The following PPP2R5C variants were observed in gnomAD, a reference collection of about 807,000 sequenced individuals.
PPP2R5C encodes serine/threonine-protein phosphatase 2A 56 kDa regulatory subunit gamma isoform.
A neutral mutation model predicts 68.9 loss-of-function variants in PPP2R5C; 7 were observed. That is an observed-to-expected ratio of 0.10 (90% confidence interval 0.06 to 0.19). The LOEUF (loss-of-function observed/expected upper bound fraction) is 0.19, where lower values mean the gene tolerates loss of function less well. PPP2R5C is among the 10% of genes least tolerant of loss of function. The pLI, the probability that PPP2R5C is intolerant of heterozygous loss-of-function variation, is 1.00. For missense variants in PPP2R5C, 348 were observed against 641.3 expected, an observed-to-expected ratio of 0.54 and a Z score of 4.94; for synonymous variants, 210 against 222.2, an observed-to-expected ratio of 0.95 and a Z score of 0.49.
chr14:101,907,222 G>A (rs2046082457), intron 10 of PPP2R5C, among the ~76,000 whole-genome samples: 1 of 152,078 alleles, frequency 6.6e-6, no homozygotes, highest in Admixed American at 6.6e-5. Flanking sequence ...CCCGGCTGGA[G>A]TGTAGTGTCA....
Position 101,899,841 on chromosome 14 carries a change from G to C in PPP2R5C, c.853-1878G>C, listed in dbSNP as rs549500899. On this transcript the variant is annotated intron_variant, in intron 8 of 13. Transcript: ENST00000334743. The surrounding 1 kb of genome is among the most constrained non-coding windows in gnomAD (Gnocchi z 4.2). ...TAATTCCTTTTAAAGACACTTGTAT[G>C]GTAGATTTTTATGTCAGACTTGAAA... Among the ~76,000 whole-genome samples, 99 of 150,708 alleles carry C rather than the reference G, an allele frequency of 6.6e-4. No individual in the cohort carries two copies. Among genetic ancestry groups the C allele is most frequent in the Middle Eastern group, 3.4e-3 (1 of 292 alleles).
intron 3 of PPP2R5C, among the ~76,000 whole-genome samples, chr14:101,800,577 A>C (rs949896819): frequency 3.3e-5 from 5 of 151,796 alleles, no homozygotes; most frequent in Non-Finnish European, 4.4e-5. Flanking sequence ...TAAAATAAAA[A>C]TTAAAAATAT....
chr14:101,876,427 TA>T (rs755414166), intron 2 of PPP2R5C, among the ~76,000 whole-genome samples: 8 of 152,058 alleles, frequency 5.3e-5, no homozygotes, highest in Non-Finnish European at 8.8e-5. Context: ...TTTTTTTTTT[TA>T]ATGTATCCCT....
At chr14:101,806,831 T>C (rs867759416), upstream of PPP2R5C, among the ~76,000 whole-genome samples, 10 of 152,020 alleles carry the variant, frequency 6.6e-5, no homozygotes, top group Admixed American at 1.3e-4. Context: ...TTGTGGTGAT[T>C]CAAGCCTGCG....
At chr14:101,780,631 G>C (rs1467354111) in intron 2 of PPP2R5C, among the ~76,000 whole-genome samples, 1 of 152,088 alleles carries the variant, frequency 6.6e-6, no homozygotes, top group South Asian at 2.1e-4. Context: ...TTTGCTTTTG[G>C]TTAACACACT....
intron 1 of PPP2R5C, among the ~76,000 whole-genome samples, chr14:101,853,667 A>G (rs949673718): frequency 6.6e-6 from 1 of 152,154 alleles, no homozygotes; most frequent in African/African-American, 2.4e-5. Context: ...AAAAGGGTAC[A>G]TTTGGCCCTC....
intron 2 of PPP2R5C, among the ~76,000 whole-genome samples, chr14:101,862,009 C>T (rs1006230900): frequency 2.6e-5 from 4 of 152,142 alleles, no homozygotes; most frequent in Non-Finnish European, 2.9e-5. Context: ...AACTTCTGGG[C>T]TTGAGTGATC....
chr14:101,809,483 G>A (rs1324484993), upstream of PPP2R5C, among the ~76,000 whole-genome samples: 6 of 151,310 alleles, frequency 4.0e-5, no homozygotes, highest in East Asian at 1.2e-3. Flanking sequence ...AAGTTGCACA[G>A]GTGGGTATAA....
At position 101,919,988 on chromosome 14, in the gene PPP2R5C, A is replaced by AC. The variant is rs1323370441; in HGVS notation, c.1443+2041_1443+2042insC. On this transcript the variant is annotated intron_variant, in intron 13 of 13. Coordinates refer to ENST00000334743, the Ensembl canonical transcript of PPP2R5C. ...CCGTCTCAAAAAAAAAAAAAAAAAAAAAAACCAATTCTTACACATTAAATA... is the reference window on the plus strand; with the variant it reads ...CCGTCTCAAAAAAAAAAAAAAAAAAACAAAACCAATTCTTACACATTAAATA... 5.9e-5 allele frequency among the ~76,000 whole-genome samples: 9 copies of AC among 151,624 alleles called. 1 individual carries two copies. Among genetic ancestry groups the AC allele is most frequent in the African/African-American group, 2.2e-4 (9 of 41,030 alleles).
chr14:101,835,492 G>T lies in PPP2R5C; in HGVS notation c.95-21194G>T, dbSNP rs556890607. Among the ~76,000 whole-genome samples, 1 of 152,346 alleles carries T rather than the reference G, an allele frequency of 6.6e-6. No individual in the cohort carries two copies. Among genetic ancestry groups the T allele is most frequent in the South Asian group, 2.1e-4 (1 of 4,824 alleles). ...AGGTAGTGTCCCAGACGTTTGTTCAGAGGGCTCCTTCCCACTTGTCATCTG... is the reference window on the plus strand; with the variant it reads ...AGGTAGTGTCCCAGACGTTTGTTCATAGGGCTCCTTCCCACTTGTCATCTG... On this transcript the variant is annotated intron_variant, in intron 1 of 13. Coordinates refer to ENST00000334743, the Ensembl canonical transcript of PPP2R5C. The surrounding 1 kb of genome is among the most constrained non-coding windows in gnomAD (Gnocchi z 5.0).
At chr14:101,895,570 T>G (rs1202458592) in intron 8 of PPP2R5C, among the ~76,000 whole-genome samples, 1 of 152,196 alleles carries the variant, frequency 6.6e-6, no homozygotes, top group Non-Finnish European at 1.5e-5. Flanking sequence ...CATAAAACGC[T>G]TGTCCTTTCA....
intron 2 of PPP2R5C, among the ~76,000 whole-genome samples, chr14:101,873,508 A>C (rs546349027): frequency 6.6e-6 from 1 of 152,310 alleles, no homozygotes; most frequent in South Asian, 2.1e-4. Flanking sequence ...CTGATTAGGA[A>C]GCCAGTGCCC....
chr14:101,860,466 T>C (rs776406526), intron 2 of PPP2R5C, among the ~76,000 whole-genome samples: 36 of 152,220 alleles, frequency 2.4e-4, no homozygotes, highest in Non-Finnish European at 7.3e-5. Context: ...TATGTCCATT[T>C]GGGGGCTGTT....
At chr14:101,814,495 C>G (rs2039545754) in intron 1 of PPP2R5C, among the ~76,000 whole-genome samples, 1 of 152,182 alleles carries the variant, frequency 6.6e-6, no homozygotes, top group South Asian at 2.1e-4. Context: ...CACATTTATG[C>G]TCATAAACAC....
At chr14:101,841,514 C>T (rs1424332681) in intron 1 of PPP2R5C, among the ~76,000 whole-genome samples, 1 of 152,212 alleles carries the variant, frequency 6.6e-6, no homozygotes, top group Non-Finnish European at 1.5e-5. Context: ...ACGGGGCCGG[C>T]TCGTTCCGTG....
intron 1 of PPP2R5C, among the ~76,000 whole-genome samples, chr14:101,817,847 G>A (rs1409513228): frequency 5.3e-5 from 8 of 152,188 alleles, no homozygotes; most frequent in Non-Finnish European, 1.2e-4. Flanking sequence ...ACTTAAAATG[G>A]CGCCTGGAGT....
At chr14:101,908,509 G>A (rs2054339603) in intron 10 of PPP2R5C, among the ~76,000 whole-genome samples, 1 of 152,084 alleles carries the variant, frequency 6.6e-6, no homozygotes, top group Admixed American at 6.6e-5. Flanking sequence ...AAGTAGCTGG[G>A]ACTACAGACA....
At chr14:101,890,764 CTTTT>C (rs368348255) in intron 6 of PPP2R5C, among the ~76,000 whole-genome samples, 12 of 115,378 alleles carry the variant, frequency 1.0e-4, no homozygotes, top group South Asian at 2.9e-4. Context: ...TTTAGTTGCC[CTTTT>C]TTTTTTTTTT....
At chr14:101,786,528 C>T (rs754171513) in intron 3 of PPP2R5C, among the ~76,000 whole-genome samples, 4 of 151,840 alleles carry the variant, frequency 2.6e-5, no homozygotes, top group South Asian at 4.2e-4. Flanking sequence ...GTAGCAATTC[C>T]GAAAGGAATT....
Sources: allele counts gnomAD v4.1 joint callset (sites outside exome capture counted in the v4.1 genomes callset), GRCh38; gene constraint gnomAD v4.1.1; non-coding constraint Gnocchi (gnomAD v3.1); transcripts MANE v1.5; gene names NCBI Gene and HGNC (gene_info 2026-07-23, HGNC 2026-07-21).